RABGEF1: variants seen among roughly 807,000 people sequenced by gnomAD.
The protein encoded by RABGEF1 is rab5 GDP/GTP exchange factor.
A neutral mutation model predicts 57.3 loss-of-function variants in RABGEF1; 26 were observed. That is an observed-to-expected ratio of 0.45 (90% CI 0.33 to 0.63). The LOEUF is 0.63. Among genes scored for constraint, RABGEF1 ranks in the 20% least tolerant of loss-of-function variants. RABGEF1 has a pLI of 0.02. For missense variants in RABGEF1, 464 were observed against 607.6 expected (o/e 0.76, Z 2.48); for synonymous variants, 185 against 210.7 (o/e 0.88, Z 1.06).
chr7:66,684,973 C>T (rs1790375824), intron 1 of RABGEF1, among the ~76,000 whole-genome samples: 1 of 151,948 alleles, frequency 6.6e-6, no homozygotes, highest in Non-Finnish European at 1.5e-5. Context: ...ATATGTTTCC[C>T]AGGGTGGTCT....
chr7:66,795,657 A>C, intron 5 of RABGEF1, 65 bp downstream of exon 5: 1 of 1,417,494 alleles, frequency 7.1e-7, no homozygotes, highest in Non-Finnish European at 1.0e-6. Flanking sequence ...GTCTCTTAGC[A>C]ATTTCTTTCT....
rs763580922 is a variant in RABGEF1 at position 66,731,953 on chromosome 7, C to T, written c.-814-8043C>T. On this transcript the variant is annotated intron_variant and NMD_transcript_variant, in intron 2 of 9. Transcript: ENST00000607882. ...AGCCCCCTGTCTCCATCCACTCCCC[C>T]CAGGGCCCATGGGGGAAGGCTGGAC... 1.6e-4 allele frequency among the ~76,000 whole-genome samples: 24 copies of T among 152,208 alleles called. 1 individual carries two copies. Among genetic ancestry groups the T allele is most frequent in the Non-Finnish European group, 5.9e-5 (4 of 68,024 alleles).
At chr7:66,679,980 A>T (rs866867317), upstream of RABGEF1, among the ~76,000 whole-genome samples, 2 of 152,170 alleles carry the variant, frequency 1.3e-5, no homozygotes, top group Admixed American at 6.5e-5. Context: ...AGTTGGAGGC[A>T]GGAGTGTGCT....
chr7:66,807,324 C>G (rs1345181612), intron 8 of RABGEF1, among the ~76,000 whole-genome samples: 1 of 152,254 alleles, frequency 6.6e-6, no homozygotes, highest in Non-Finnish European at 1.5e-5. Context: ...CGGGCACTCA[C>G]AGTCTTCATC....
At chr7:66,710,739 T>A (rs943815163) in intron 1 of RABGEF1, among the ~76,000 whole-genome samples, 4 of 152,246 alleles carry the variant, frequency 2.6e-5, no homozygotes, top group African/African-American at 9.6e-5. Flanking sequence ...GGAAATAGAC[T>A]GTTGAGTTTT....
At chr7:66,803,829 C>G (rs1787831119) in intron 7 of RABGEF1, among the ~76,000 whole-genome samples, 1 of 149,972 alleles carries the variant, frequency 6.7e-6, no homozygotes, top group Non-Finnish European at 1.5e-5. Flanking sequence ...GCGGAGGTTG[C>G]AGTGAGCCGA....
At chr7:66,678,941 AT>A (rs1336751946), upstream of RABGEF1, among the ~76,000 whole-genome samples, 1 of 152,210 alleles carries the variant, frequency 6.6e-6, no homozygotes, top group African/African-American at 2.4e-5. Flanking sequence ...ATGATAAAGA[AT>A]CCCTCCTCTA....
At chr7:66,803,677 T>C (rs1287345070) in intron 7 of RABGEF1, among the ~76,000 whole-genome samples, 1 of 151,950 alleles carries the variant, frequency 6.6e-6, no homozygotes, top group Admixed American at 6.6e-5. Context: ...GATCACGAGG[T>C]CAGGAGTTCG....
chr7:66,735,931 G>A (rs939972503), upstream of RABGEF1, among the ~76,000 whole-genome samples: 7 of 152,084 alleles, frequency 4.6e-5, no homozygotes. Flanking sequence ...AACAAATTGA[G>A]AACTAGATAT....
the RABGEF1 span, among the ~76,000 whole-genome samples, chr7:66,663,703 G>A: frequency 1.3e-5 from 2 of 151,574 alleles, no homozygotes; most frequent in African/African-American, 4.9e-5. Flanking sequence ...TAACTAACCT[G>A]CACATTGTGC....
At chr7:66,690,901 T>G (rs1294164901) in intron 1 of RABGEF1, among the ~76,000 whole-genome samples, 2 of 149,756 alleles carry the variant, frequency 1.3e-5, no homozygotes, top group African/African-American at 4.9e-5. Flanking sequence ...CTGGCCAACA[T>G]GGTGAAACTC....
chr7:66,761,065 T>C (rs1365790886), intron 1 of RABGEF1, among the ~76,000 whole-genome samples: 2 of 152,260 alleles, frequency 1.3e-5, no homozygotes, highest in East Asian at 3.8e-4. Context: ...ACCTGTGATA[T>C]GCCCAGTTGT....
intron 7 of RABGEF1, among the ~76,000 whole-genome samples, chr7:66,804,514 C>T (rs1244209473): frequency 1.3e-5 from 2 of 152,050 alleles, no homozygotes; most frequent in African/African-American, 4.8e-5. Context: ...GTGGGCGGAT[C>T]ACCTGAGGTC....
chr7:66,658,823 G>C, the RABGEF1 span, among the ~76,000 whole-genome samples: 7 of 151,978 alleles, frequency 4.6e-5, no homozygotes, highest in African/African-American at 1.7e-4. Flanking sequence ...GCAAGCTCTG[G>C]CTCCCGGGTT....
At chr7:66,698,101 AC>A (rs140832726) in intron 1 of RABGEF1, among the ~76,000 whole-genome samples, 11 of 114,798 alleles carry the variant, frequency 9.6e-5, no homozygotes, top group African/African-American at 1.7e-4. Context: ...ACAGCCACGC[AC>A]CCCCCCCACC....
chr7:66,764,514 A>T (rs1414148686), intron 1 of RABGEF1, among the ~76,000 whole-genome samples: 1 of 152,208 alleles, frequency 6.6e-6, no homozygotes, highest in Non-Finnish European at 1.5e-5. Context: ...TGCCATATCT[A>T]AACATCCTTT....
chr7:66,782,019 G>C (rs1205046379), intron 3 of RABGEF1, among the ~76,000 whole-genome samples: 1 of 152,180 alleles, frequency 6.6e-6, no homozygotes, highest in African/African-American at 2.4e-5. Flanking sequence ...AGATAGTAGA[G>C]TAAACCTGAA....
intron 1 of RABGEF1, among the ~76,000 whole-genome samples, chr7:66,746,585 G>A (rs1031278802): frequency 1.3e-5 from 2 of 149,174 alleles, no homozygotes; most frequent in Non-Finnish European, 3.0e-5. Flanking sequence ...CACCGTGCCC[G>A]GCAGGAAGTG....
intron 1 of RABGEF1, among the ~76,000 whole-genome samples, chr7:66,707,311 G>T (rs1218819705): frequency 6.6e-6 from 1 of 152,128 alleles, no homozygotes; most frequent in African/African-American, 2.4e-5. Context: ...TATTGTTGTT[G>T]GGTAGGATGT....
Sources: allele counts gnomAD v4.1 joint callset (sites outside exome capture counted in the v4.1 genomes callset), GRCh38; gene constraint gnomAD v4.1.1; transcripts MANE v1.5; gene names NCBI Gene and HGNC (gene_info 2026-07-23, HGNC 2026-07-21).